TCERG1L: variants seen among roughly 807,000 people sequenced by gnomAD.
The protein encoded by TCERG1L is transcription elongation regulator 1 like, also known as transcription elongation regulator 1-like protein.
In TCERG1L, 37 loss-of-function variants were observed where a neutral mutation model predicts 56.3. The observed-to-expected ratio is 0.66, with a 90% CI of 0.51 to 0.87. The LOEUF is 0.87. TCERG1L is among the 40% of genes least tolerant of loss of function. The pLI is 0.00. For synonymous variants in TCERG1L, 324 were observed against 326.3 expected (o/e 0.99, Z 0.08); for missense variants, 799 against 774.2 (o/e 1.03, Z -0.38).
chr10:131,221,005 G>A (rs1404825494), intron 4 of TCERG1L, among the ~76,000 whole-genome samples: 4 of 152,156 alleles, frequency 2.6e-5, no homozygotes, highest in Non-Finnish European at 2.9e-5. Context: ...CACCTGCAGT[G>A]TAGCCACTGA....
chr10:131,232,941 G>A (rs1483693148), intron 4 of TCERG1L, among the ~76,000 whole-genome samples: 1 of 152,174 alleles, frequency 6.6e-6, no homozygotes, highest in Admixed American at 6.5e-5. Flanking sequence ...TACATAGAGA[G>A]TTACTTCAAA....
At chr10:131,180,054 G>C (rs145400876) in intron 4 of TCERG1L, among the ~76,000 whole-genome samples, 1 of 152,196 alleles carries the variant, frequency 6.6e-6, no homozygotes, top group African/African-American at 2.4e-5. Flanking sequence ...AGACAGACAT[G>C]GTCTTCCTGG....
intron 9 of TCERG1L, among the ~76,000 whole-genome samples, chr10:131,108,885 G>A (rs1017000802): frequency 1.3e-5 from 2 of 152,206 alleles, no homozygotes; most frequent in African/African-American, 2.4e-5. Flanking sequence ...TCTTGGCTCC[G>A]AGCGGCTGCC....
At chr10:131,219,956 G>A (rs1054202688) in intron 4 of TCERG1L, among the ~76,000 whole-genome samples, 8 of 152,242 alleles carry the variant, frequency 5.3e-5, no homozygotes, top group Middle Eastern at 6.8e-3. Context: ...CTACCAAAGC[G>A]CGTAGAACAG....
chr10:131,165,676 G>A (rs1846022973), intron 5 of TCERG1L, among the ~76,000 whole-genome samples: 1 of 152,126 alleles, frequency 6.6e-6, no homozygotes, highest in African/African-American at 2.4e-5. Context: ...GTCTCTGAGT[G>A]GTAGATTACC....
chr10:131,194,317 C>A (rs373877881), intron 4 of TCERG1L, among the ~76,000 whole-genome samples: 1 of 152,232 alleles, frequency 6.6e-6, no homozygotes, highest in Non-Finnish European at 1.5e-5. Context: ...CAGGTGATAT[C>A]CCCACCATTG....
rs1198697994 is a variant in TCERG1L at position 131,113,941 on chromosome 10, G to A, written c.1395+2858C>T. Among the ~76,000 whole-genome samples, 7 of 142,214 alleles carry A rather than the reference G, an allele frequency of 4.9e-5. 3 individuals are homozygous for A. The highest frequency in any genetic ancestry group is 1.1e-4 in the Non-Finnish European group (7 of 63,284). 93.3% of individuals were successfully genotyped at this position (142,214 alleles called of 152,430 possible). A position where few individuals can be genotyped will look rare whatever the true frequency, so the allele number is the denominator to read the frequency against. Reference sequence around the variant, plus strand: ...TGTTCAATTAAACTTGCTCCTGATGGACTAAAGTTTTAAAAGAAAGCTTCT... The same window carrying A: ...TGTTCAATTAAACTTGCTCCTGATGAACTAAAGTTTTAAAAGAAAGCTTCT... On this transcript the variant is annotated intron_variant, in intron 9 of 11. Coordinates refer to ENST00000368642, the MANE Select transcript of TCERG1L (RefSeq NM_174937.4).
At chr10:131,270,362 A>G (rs1846328167) in intron 3 of TCERG1L, among the ~76,000 whole-genome samples, 2 of 152,242 alleles carry the variant, frequency 1.3e-5, no homozygotes, top group Admixed American at 1.3e-4. Flanking sequence ...GATAAATACC[A>G]TAACTAACTT....
At chr10:131,217,206 T>G (rs74724619) in intron 4 of TCERG1L, among the ~76,000 whole-genome samples, 2,520 of 152,094 alleles carry the variant, frequency 0.017, 33 homozygotes, top group Non-Finnish European at 0.027. Context: ...CTCGTGACAG[T>G]GAGTGAGTTT....
At chr10:131,275,889 G>A (rs931794937) in intron 3 of TCERG1L, among the ~76,000 whole-genome samples, 2 of 152,124 alleles carry the variant, frequency 1.3e-5, no homozygotes, top group Non-Finnish European at 1.5e-5. Context: ...GGACGTGGAC[G>A]CCTGGGCATG....
chr10:131,248,929 G>T (rs1843167281), intron 4 of TCERG1L, among the ~76,000 whole-genome samples: 1 of 152,212 alleles, frequency 6.6e-6, no homozygotes, highest in Non-Finnish European at 1.5e-5. Flanking sequence ...TCCCTGGAAT[G>T]GTGCCCTAGG....
At chr10:131,253,501 T>C (rs540264255) in intron 4 of TCERG1L, among the ~76,000 whole-genome samples, 1 of 152,272 alleles carries the variant, frequency 6.6e-6, no homozygotes, top group East Asian at 1.9e-4. Context: ...CACGATCACC[T>C]CACTCTCTGC....
At chr10:131,234,175 C>A (rs896380467) in intron 4 of TCERG1L, among the ~76,000 whole-genome samples, 1 of 152,214 alleles carries the variant, frequency 6.6e-6, no homozygotes, top group Non-Finnish European at 1.5e-5. Context: ...AAGACAGCTT[C>A]TTGAAACTTC....
Position 131,121,885 on chromosome 10 carries a change from G to A in TCERG1L, c.1260-4951C>T, listed in dbSNP as rs1033865966. Among the ~76,000 whole-genome samples the A allele has an allele frequency of 7.2e-5, 11 of 152,344 alleles. No homozygotes were observed. The East Asian group carries it at 7.7e-4, about 11-fold the overall frequency. ...CCCCCTCAGCCCTGGCCTGCCTCTCGTATAGTCTTGTCTCAGCCTGCAGGT... is the reference window on the plus strand; with the variant it reads ...CCCCCTCAGCCCTGGCCTGCCTCTCATATAGTCTTGTCTCAGCCTGCAGGT... On this transcript the variant is annotated intron_variant, in intron 8 of 11. Transcript: ENST00000368642.
At chr10:131,173,503 T>G (rs571187970) in intron 4 of TCERG1L, among the ~76,000 whole-genome samples, 2 of 152,296 alleles carry the variant, frequency 1.3e-5, no homozygotes, top group South Asian at 4.1e-4. Context: ...GTGACTGCAT[T>G]GATTTTCCGA....
At chr10:131,114,027 T>C (rs1031123811) in intron 9 of TCERG1L, among the ~76,000 whole-genome samples, 4 of 142,062 alleles carry the variant, frequency 2.8e-5, no homozygotes, top group African/African-American at 9.9e-5. Flanking sequence ...AACCTTCTGC[T>C]GAACCATCAT....
At chr10:131,172,856 T>C (rs868221209) in intron 4 of TCERG1L, among the ~76,000 whole-genome samples, 4 of 152,004 alleles carry the variant, frequency 2.6e-5, no homozygotes, top group South Asian at 2.1e-4. Flanking sequence ...TCTCATCCAC[T>C]TGCAGAATTG....
At chr10:131,186,007 G>C (rs935777218) in intron 4 of TCERG1L, among the ~76,000 whole-genome samples, 1 of 152,228 alleles carries the variant, frequency 6.6e-6, no homozygotes, top group Admixed American at 6.5e-5. Flanking sequence ...CTATCCAAGC[G>C]ACGGAACATT....
intron 3 of TCERG1L, among the ~76,000 whole-genome samples, chr10:131,290,857 CT>C (rs1175110477): frequency 1.3e-5 from 2 of 152,158 alleles, no homozygotes; most frequent in Non-Finnish European, 2.9e-5. Flanking sequence ...TACACACATG[CT>C]CCTTCTCTAA....
Sources: gnomAD v4.1 joint callset for allele counts (sites outside exome capture counted in the v4.1 genomes callset) on GRCh38, gnomAD v4.1.1 for gene constraint, MANE v1.5 for transcripts, NCBI Gene and HGNC (gene_info 2026-07-23, HGNC 2026-07-21) for gene names.